NDUFA8: variants seen among roughly 807,000 people sequenced by gnomAD.
The protein encoded by NDUFA8 is NADH:ubiquinone oxidoreductase subunit A8, also known as NADH dehydrogenase [ubiquinone] 1 alpha subcomplex subunit 8.
Under a neutral mutation model 20.9 loss-of-function variants are expected in NDUFA8, and 16 were observed. The observed-to-expected ratio is 0.77, with a 90% CI of 0.52 to 1.16. NDUFA8 has a LOEUF of 1.16. Among genes scored for constraint, NDUFA8 ranks in the 50% most tolerant of loss-of-function variants. The probability of loss-of-function intolerance (pLI) is 0.00; values close to 1 mark genes in which losing one functional copy is unlikely to be tolerated. For synonymous variants in NDUFA8, 70 were observed against 76.1 expected (o/e 0.92, Z 0.41); for missense variants, 202 against 216.4 (o/e 0.93, Z 0.42).
chr9:122,151,258 T>C (rs1828992372), intron 2 of NDUFA8, among the ~76,000 whole-genome samples: 1 of 152,172 alleles, frequency 6.6e-6, no homozygotes, highest in Admixed American at 6.5e-5. Context: ...ATCCTTCTAA[T>C]TTTCCTTTGG....
chr9:122,149,535 C>T (rs1205893676), intron 2 of NDUFA8, among the ~76,000 whole-genome samples: 1 of 152,230 alleles, frequency 6.6e-6, no homozygotes, highest in Non-Finnish European at 1.5e-5. Context: ...CTACAACCAG[C>T]AACTTCAGCA....
At chr9:122,150,157 T>C (rs989536384) in intron 2 of NDUFA8, among the ~76,000 whole-genome samples, 2 of 152,038 alleles carry the variant, frequency 1.3e-5, no homozygotes, top group African/African-American at 4.8e-5. Flanking sequence ...GCACGGTGGC[T>C]CACGCTTGTA....
downstream of NDUFA8, among the ~76,000 whole-genome samples, chr9:122,142,745 A>G (rs1209506253): frequency 1.3e-5 from 2 of 152,144 alleles, no homozygotes; most frequent in South Asian, 2.1e-4. Context: ...AGTGCACAAT[A>G]TTATTATTTA....
downstream of NDUFA8, among the ~76,000 whole-genome samples, chr9:122,141,330 A>G (rs1024155154): frequency 1.3e-5 from 2 of 152,156 alleles, no homozygotes; most frequent in African/African-American, 4.8e-5. Flanking sequence ...GATGGACTGG[A>G]GAGGGAGATG....
chr9:122,134,324 C>G, the NDUFA8 span, among the ~76,000 whole-genome samples: 1 of 152,108 alleles, frequency 6.6e-6, no homozygotes, highest in Non-Finnish European at 1.5e-5. Flanking sequence ...GGTTTAAATC[C>G]CAGTTCTACC....
chr9:122,158,326 G>A (rs1273731648), intron 1 of NDUFA8, among the ~76,000 whole-genome samples: 2 of 151,876 alleles, frequency 1.3e-5, no homozygotes, highest in African/African-American at 4.8e-5. Context: ...TCCCTTACTG[G>A]ATCAAGTCCA....
intron 1 of NDUFA8, among the ~76,000 whole-genome samples, chr9:122,157,260 C>T (rs1216337849): frequency 6.6e-6 from 1 of 152,190 alleles, no homozygotes; most frequent in African/African-American, 2.4e-5. Flanking sequence ...TCTTCATATG[C>T]CATTTAGTCA....
intron 2 of NDUFA8, among the ~76,000 whole-genome samples, chr9:122,150,625 G>A (rs1228458804): frequency 2.0e-5 from 3 of 151,898 alleles, no homozygotes; most frequent in Non-Finnish European, 4.4e-5. Flanking sequence ...GAATTGGTCA[G>A]GTACGTTATG....
the NDUFA8 span, among the ~76,000 whole-genome samples, chr9:122,138,274 A>G: frequency 6.6e-6 from 1 of 152,174 alleles, no homozygotes; most frequent in Non-Finnish European, 1.5e-5. Flanking sequence ...ACTGGCATGC[A>G]ATTTATATTT....
the NDUFA8 span, among the ~76,000 whole-genome samples, chr9:122,136,322 G>A: frequency 3.9e-5 from 6 of 152,324 alleles, no homozygotes; most frequent in Non-Finnish European, 5.9e-5. Flanking sequence ...CAAACATAAT[G>A]TATCAATACA....
chr9:122,134,022 T>C, the NDUFA8 span, among the ~76,000 whole-genome samples: 1 of 152,304 alleles, frequency 6.6e-6, no homozygotes, highest in South Asian at 2.1e-4. Flanking sequence ...CTAACTTCTC[T>C]GGGCCTGAGC....
At chr9:122,132,870 T>C in the NDUFA8 span, 2 of 455,014 alleles carry the variant, frequency 4.4e-6, no homozygotes, top group South Asian at 3.1e-5. Flanking sequence ...AGACTGGAAA[T>C]AGAAGTGTCG....
intron 3 of NDUFA8, among the ~76,000 whole-genome samples, chr9:122,146,414 G>T (rs1797886693): frequency 6.6e-6 from 1 of 152,136 alleles, no homozygotes; most frequent in South Asian, 2.1e-4. Flanking sequence ...ATGAGAAAAG[G>T]TAGTTTTATT....
chr9:122,157,098 CACA>C (rs1443243350), intron 1 of NDUFA8, among the ~76,000 whole-genome samples: 2 of 152,164 alleles, frequency 1.3e-5, no homozygotes, highest in African/African-American at 4.8e-5. Context: ...CCCTTCTCAC[CACA>C]ACATTTCAAA....
chr9:122,148,830 T>C (rs1828946268), intron 2 of NDUFA8, among the ~76,000 whole-genome samples: 1 of 152,196 alleles, frequency 6.6e-6, no homozygotes, highest in Admixed American at 6.5e-5. Flanking sequence ...TGAACAAAAA[T>C]AGATATTAAT....
the NDUFA8 span, among the ~76,000 whole-genome samples, chr9:122,139,055 AG>A: frequency 2.6e-5 from 4 of 152,326 alleles, no homozygotes; most frequent in Non-Finnish European, 4.4e-5. Flanking sequence ...CACCTATGGC[AG>A]GAAACGTCCC....
the NDUFA8 span, among the ~76,000 whole-genome samples, chr9:122,134,134 C>T: frequency 6.6e-5 from 10 of 152,216 alleles, no homozygotes; most frequent in South Asian, 2.1e-4. Context: ...ACACACCACA[C>T]GTAGATAACT....
At chr9:122,133,070 C>T in the NDUFA8 span, 2 of 454,370 alleles carry the variant, frequency 4.4e-6, no homozygotes, top group African/African-American at 2.0e-5. Context: ...GCAAAGTAGA[C>T]CTTACTTCCT....
At position 122,159,674 on chromosome 9, in the gene NDUFA8, G is replaced by T. The variant is rs374499964; in HGVS notation, c.4C>A (p.Pro2Thr). Residue 2 changes from proline (P) to threonine (T), a missense_variant, in exon 1 of 4, where the codon CCG becomes ACG. By Grantham distance (38) the Pro-to-Thr change is conservative (BLOSUM62 -1). Coordinates refer to ENST00000373768, the MANE Select transcript of NDUFA8 (RefSeq NM_014222.3). ...AGAGTGGGCAGCTCCACTATCCCCG[G>T]CATGACGGCTGCAGCCCCGACCCCG... is the stretch of plus-strand genomic sequence containing the variant. The part of the protein sequence containing the change: M[P>T]GIVELPTLEE... 26 of 1,614,008 alleles carry T rather than the reference G, an allele frequency of 1.6e-5. No homozygotes were observed. The African/African-American group carries it at 3.3e-4, about 21-fold the overall frequency.
Sources: allele counts gnomAD v4.1 joint callset (sites outside exome capture counted in the v4.1 genomes callset), GRCh38; gene constraint gnomAD v4.1.1; transcripts MANE v1.5; gene names NCBI Gene and HGNC (gene_info 2026-07-23, HGNC 2026-07-21).